Variants in RBMS2 observed in about 807,000 individuals in gnomAD.
RBMS2 encodes RNA binding motif single stranded interacting protein 2.
A neutral mutation model predicts 58.4 loss-of-function variants in RBMS2; 38 were observed. That is an observed-to-expected ratio of 0.65 (90% CI 0.50 to 0.85). RBMS2 has a LOEUF of 0.85. Among genes scored for constraint, RBMS2 ranks in the 40% least tolerant of loss-of-function variants. The pLI is 0.00. For synonymous variants in RBMS2, 151 were observed against 180.7 expected (o/e 0.84, Z 1.32); for missense variants, 367 against 503.7 (o/e 0.73, Z 2.60).
At chr12:56,534,279 T>C (rs1413693130) in intron 1 of RBMS2, among the ~76,000 whole-genome samples, 1 of 152,198 alleles carries the variant, frequency 6.6e-6, no homozygotes, top group Non-Finnish European at 1.5e-5. Context: ...TGTTTCTAGA[T>C]TGTGTTTGTT....
Position 56,569,082 on chromosome 12 carries a change from C to T in RBMS2, c.292+49C>T, listed in dbSNP as rs781510443. On this transcript the variant is annotated intron_variant, in intron 3 of 13. Transcript: ENST00000262031. Reference sequence around the variant, plus strand: ...GTTGGAGAGCACCAGTAAGTGAGGCCATCCCTTGACACTGCCCTTTACTGC... The same window carrying T: ...GTTGGAGAGCACCAGTAAGTGAGGCTATCCCTTGACACTGCCCTTTACTGC... 4.7e-6 allele frequency: 7 copies of T among 1,504,234 alleles called. No homozygotes were observed. In the African/African-American group the frequency reaches 8.3e-5, roughly 18 times the overall value. 93.2% of individuals were successfully genotyped at this position (1,504,234 alleles called of 1,614,324 possible). A position where few individuals can be genotyped will look rare whatever the true frequency, so the allele number is the denominator to read the frequency against.
At position 56,522,091 on chromosome 12, in the gene RBMS2, T is replaced by C; in HGVS notation, c.66+2T>C. ...GGCTACAATAGAAACAACAAGAAGG[T>C]AGGGAAAAGCGCTTTTTTGGTATCT... is the stretch of plus-strand genomic sequence containing the variant. On this transcript the variant is annotated splice_donor_variant, in intron 1 of 13. Transcript: ENST00000262031. LOFTEE classifies it high-confidence loss of function. 6.3e-7 allele frequency: 1 copy of C among 1,589,744 alleles called. No homozygotes were observed.
At chr12:56,550,380 A>C (rs934860992) in intron 1 of RBMS2, among the ~76,000 whole-genome samples, 1 of 151,972 alleles carries the variant, frequency 6.6e-6, no homozygotes, top group East Asian at 1.9e-4. Flanking sequence ...AAATACAAAA[A>C]TTAGCCAGGT....
chr12:56,538,560 G>A (rs1188941659), intron 1 of RBMS2, among the ~76,000 whole-genome samples: 2 of 133,440 alleles, frequency 1.5e-5, no homozygotes, highest in Non-Finnish European at 3.1e-5. Flanking sequence ...TCAGCTTACT[G>A]CAACCTCCGC....
intron 5 of RBMS2, among the ~76,000 whole-genome samples, chr12:56,579,219 C>T (rs76373896): frequency 0.023 from 3,554 of 152,222 alleles, 143 homozygotes; most frequent in African/African-American, 0.082. Context: ...AAATGCTCCA[C>T]GGCCTGCTTA....
chr12:56,571,056 A>T (rs1489284891), intron 4 of RBMS2, among the ~76,000 whole-genome samples: 1 of 152,230 alleles, frequency 6.6e-6, no homozygotes, highest in Non-Finnish European at 1.5e-5. Context: ...TCTTAAAAAT[A>T]CAACTATTGG....
intron 5 of RBMS2, among the ~76,000 whole-genome samples, chr12:56,577,967 C>T (rs1235331211): frequency 2.6e-5 from 4 of 151,876 alleles, no homozygotes; most frequent in African/African-American, 4.8e-5. Flanking sequence ...GGATTACAGG[C>T]GTGAGCCACT....
chr12:56,581,587 G>A (rs957914226), intron 7 of RBMS2, 79 bp downstream of exon 7: 1 of 1,433,180 alleles, frequency 7.0e-7, no homozygotes, highest in Admixed American at 1.8e-5. Context: ...ATTTCTGTGA[G>A]CTTAGGTGGA....
At chr12:56,543,172 C>T (rs1231207522) in intron 1 of RBMS2, among the ~76,000 whole-genome samples, 1 of 152,076 alleles carries the variant, frequency 6.6e-6, no homozygotes, top group Non-Finnish European at 1.5e-5. Flanking sequence ...CACACCCAGC[C>T]CCATACTTCA....
rs1885809226 is a variant in RBMS2, at chr12:56,596,188, C to T, written c.*7055C>T. On this transcript the variant is annotated 3_prime_UTR_variant, in exon 14 of 14. Transcript: ENST00000262031. ...AGTCCCTTTTGCTGTAAAAGGAACA[C>T]AGAAACTTGTTGGTGTTGATGGTGT... The T allele has an allele frequency of 6.5e-6, 1 of 152,728 alleles. No individual in the cohort carries two copies. The highest frequency in any genetic ancestry group is 2.4e-5 in the African/African-American group (1 of 41,474). 9.5% of individuals were successfully genotyped at this position (152,728 alleles called of 1,614,324 possible). A position where few individuals can be genotyped will look rare whatever the true frequency, so the allele number is the denominator to read the frequency against.
chr12:56,525,371 G>A (rs991322828), intron 1 of RBMS2, among the ~76,000 whole-genome samples: 13 of 151,210 alleles, frequency 8.6e-5, no homozygotes, highest in African/African-American at 2.9e-4. Context: ...ACAGGTGTGC[G>A]CCACCAGGCC....
chr12:56,521,809 C>CTT (rs2136216432), upstream of RBMS2: 11 of 556,416 alleles, frequency 2.0e-5, no homozygotes, highest in South Asian at 2.4e-4. Context: ...CTCTCAGTGA[C>CTT]GTAAAGGAGC....
At chr12:56,584,888 A>G (rs1314826707) in intron 9 of RBMS2, among the ~76,000 whole-genome samples, 6 of 150,694 alleles carry the variant, frequency 4.0e-5, no homozygotes, top group Non-Finnish European at 8.9e-5. Context: ...CAATGGACCA[A>G]TCTCAGCTCA....
intron 2 of RBMS2, among the ~76,000 whole-genome samples, chr12:56,562,937 A>G (rs893963828): frequency 3.9e-5 from 6 of 152,156 alleles, no homozygotes; most frequent in African/African-American, 1.4e-4. Flanking sequence ...CCTGGCTAAC[A>G]TGGTGAAACC....
At chr12:56,554,643 A>G (rs1489403379) in intron 1 of RBMS2, among the ~76,000 whole-genome samples, 1 of 152,124 alleles carries the variant, frequency 6.6e-6, no homozygotes, top group Admixed American at 6.6e-5. Context: ...GAGGCTTAGT[A>G]CCTAGGTGAT....
At chr12:56,544,965 T>C (rs1876891726) in intron 1 of RBMS2, among the ~76,000 whole-genome samples, 1 of 152,016 alleles carries the variant, frequency 6.6e-6, no homozygotes, top group African/African-American at 2.4e-5. Flanking sequence ...TTTGGTTACA[T>C]GGATAAGTTC....
intron 1 of RBMS2, among the ~76,000 whole-genome samples, chr12:56,549,047 C>T (rs923702711): frequency 9.9e-5 from 15 of 152,162 alleles, no homozygotes; most frequent in Non-Finnish European, 2.2e-4. Flanking sequence ...CTCACTCTGT[C>T]ACCCAGGCTG....
chr12:56,556,376 C>CT (rs778701977), intron 1 of RBMS2, among the ~76,000 whole-genome samples: 1,824 of 140,104 alleles, frequency 0.013, 16 homozygotes, highest in East Asian at 0.031. Flanking sequence ...TGTCTTTTAG[C>CT]TTTTTTTTTT....
chr12:56,546,566 C>T (rs1332510091), intron 1 of RBMS2, among the ~76,000 whole-genome samples: 1 of 151,772 alleles, frequency 6.6e-6, no homozygotes, highest in Non-Finnish European at 1.5e-5. Context: ...ATCTCCTGAC[C>T]TTGTGATCCC....
Sources: gnomAD v4.1 joint callset for allele counts (sites outside exome capture counted in the v4.1 genomes callset) on GRCh38, gnomAD v4.1.1 for gene constraint, MANE v1.5 for transcripts, NCBI Gene and HGNC (gene_info 2026-07-23, HGNC 2026-07-21) for gene names.